DPP6: variants seen among roughly 807,000 people sequenced by gnomAD.
DPP6 encodes the protein A-type potassium channel modulatory protein DPP6.
In DPP6, 69 loss-of-function variants were observed where a neutral mutation model predicts 122.6. That is an observed-to-expected ratio of 0.56 (90% confidence interval 0.46 to 0.69). DPP6 has a LOEUF of 0.69. DPP6 is among the 30% of genes least tolerant of loss of function. DPP6 has a pLI of 0.00. For missense variants in DPP6, 928 were observed against 1,116.9 expected (o/e 0.83, Z 2.41); for synonymous variants, 418 against 433.1 (o/e 0.97, Z 0.43).
chr7:154,399,257 T>C (rs1202541208), intron 1 of DPP6, among the ~76,000 whole-genome samples: 1 of 152,206 alleles, frequency 6.6e-6, no homozygotes, highest in African/African-American at 2.4e-5. Flanking sequence ...GTAACCGTGA[T>C]CTTTGTGACC....
the DPP6 span, among the ~76,000 whole-genome samples, chr7:153,856,211 A>G: frequency 6.6e-6 from 1 of 152,148 alleles, no homozygotes; most frequent in Non-Finnish European, 1.5e-5. Flanking sequence ...TTTGCAGACA[A>G]CTGGTTACAA....
intron 1 of DPP6, among the ~76,000 whole-genome samples, chr7:154,208,923 G>A (rs529426147): frequency 6.6e-5 from 10 of 152,090 alleles, no homozygotes; most frequent in East Asian, 1.9e-4. Flanking sequence ...ATTTATACAC[G>A]TCTACTAAAC....
intron 1 of DPP6, among the ~76,000 whole-genome samples, chr7:154,165,103 C>T (rs1797178418): frequency 6.7e-6 from 1 of 149,502 alleles, no homozygotes; most frequent in Non-Finnish European, 1.5e-5. Context: ...TGCGCTGCAC[C>T]CACTAACTCG....
chr7:154,347,105 C>T (rs1398669040), intron 1 of DPP6, among the ~76,000 whole-genome samples: 2 of 152,154 alleles, frequency 1.3e-5, no homozygotes, highest in Non-Finnish European at 2.9e-5. Flanking sequence ...AGATTGTTGC[C>T]TTTGGCCAAA....
At chr7:154,198,351 G>A (rs796835268) in intron 1 of DPP6, among the ~76,000 whole-genome samples, 19 of 151,444 alleles carry the variant, frequency 1.3e-4, no homozygotes, top group East Asian at 3.9e-4. Flanking sequence ...TCACTCTGTC[G>A]CCCAGGCTGG....
chr7:154,549,682 T>G (rs183256028), intron 4 of DPP6, among the ~76,000 whole-genome samples: 1 of 152,194 alleles, frequency 6.6e-6, no homozygotes, highest in African/African-American at 2.4e-5. Context: ...CTTTCCTTCC[T>G]TGGCTCTGCG....
At chr7:154,616,589 C>CGCGA (rs1834275125) in intron 5 of DPP6, among the ~76,000 whole-genome samples, 1 of 152,082 alleles carries the variant, frequency 6.6e-6, no homozygotes, top group Non-Finnish European at 1.5e-5. Context: ...GACTCTCGGG[C>CGCGA]GCGAGCGAAT....
At chr7:154,414,085 A>G (rs1214618831) in intron 1 of DPP6, among the ~76,000 whole-genome samples, 2 of 152,172 alleles carry the variant, frequency 1.3e-5, no homozygotes, top group Non-Finnish European at 2.9e-5. Flanking sequence ...CTTAGACTCT[A>G]TTGTGTTATA....
intron 5 of DPP6, among the ~76,000 whole-genome samples, chr7:154,613,896 A>G (rs1444275304): frequency 6.6e-6 from 1 of 152,200 alleles, no homozygotes; most frequent in Non-Finnish European, 1.5e-5. Context: ...CTCCATCAGC[A>G]TGCAACCACA....
intron 6 of DPP6, among the ~76,000 whole-genome samples, chr7:154,663,690 G>A (rs1837924065): frequency 2.1e-5 from 1 of 48,092 alleles, no homozygotes; most frequent in African/African-American, 4.0e-5. Flanking sequence ...GAATCACCAT[G>A]GCATATCGGC....
At chr7:154,096,743 G>GTA (rs1805347599) in intron 1 of DPP6, among the ~76,000 whole-genome samples, 1 of 152,024 alleles carries the variant, frequency 6.6e-6, no homozygotes, top group Non-Finnish European at 1.5e-5. Context: ...AGTAAAAATA[G>GTA]TATAATGACT....
chr7:154,085,015 G>A (rs79726029), intron 1 of DPP6, among the ~76,000 whole-genome samples: 18,243 of 129,596 alleles, frequency 0.14, 1,521 homozygotes, highest in African/African-American at 0.26. Context: ...AAAAAAACAG[G>A]TGCCTTTATA....
chr7:153,987,882 C>T (rs71530450), intron 1 of DPP6, among the ~76,000 whole-genome samples: 3 of 152,120 alleles, frequency 2.0e-5, no homozygotes, highest in Non-Finnish European at 2.9e-5. Flanking sequence ...TTTATGAGAG[C>T]GAGGCAGCAG....
intron 20 of DPP6, 33 bp from the exon 21 acceptor site, chr7:154,880,855 A>C: frequency 6.2e-7 from 1 of 1,613,978 alleles, no homozygotes; most frequent in Non-Finnish European, 8.5e-7. Flanking sequence ...CAGGATGTGC[A>C]CTGAACCCTC....
intron 3 of DPP6, among the ~76,000 whole-genome samples, chr7:154,507,571 A>G (rs2129730940): frequency 6.6e-6 from 1 of 152,320 alleles, no homozygotes; most frequent in South Asian, 2.1e-4. Context: ...AAAGGAATGC[A>G]TGGGCATAAA....
chr7:154,615,384 C>G (rs1000823514), intron 5 of DPP6, among the ~76,000 whole-genome samples: 3 of 152,160 alleles, frequency 2.0e-5, no homozygotes, highest in Non-Finnish European at 4.4e-5. Context: ...GGGTTTCTTC[C>G]TAGGGTTTTT....
intron 1 of DPP6, among the ~76,000 whole-genome samples, chr7:154,273,846 A>G (rs1044295011): frequency 2.6e-5 from 4 of 152,234 alleles, no homozygotes; most frequent in African/African-American, 9.6e-5. Context: ...TTGGACTCCA[A>G]GTGAAACAAT....
At chr7:154,219,457 A>T (rs139707841) in intron 1 of DPP6, among the ~76,000 whole-genome samples, 1 of 152,226 alleles carries the variant, frequency 6.6e-6, no homozygotes, top group Non-Finnish European at 1.5e-5. Context: ...GCTCATGAAC[A>T]TCTGGCATTG....
intron 1 of DPP6, among the ~76,000 whole-genome samples, chr7:154,007,541 G>A (rs989717305): frequency 2.0e-5 from 3 of 152,176 alleles, no homozygotes; most frequent in African/African-American, 7.2e-5. Context: ...CAACCTGTAA[G>A]AGAAAATTGG....
Sources: allele counts gnomAD v4.1 joint callset (sites outside exome capture counted in the v4.1 genomes callset), GRCh38; gene constraint gnomAD v4.1.1; transcripts MANE v1.5; gene names NCBI Gene and HGNC (gene_info 2026-07-23, HGNC 2026-07-21).